KCTD1: variants seen among roughly 807,000 people sequenced by gnomAD.
KCTD1 encodes the protein potassium channel tetramerization domain containing 1, also known as BTB/POZ domain-containing protein KCTD1.
KCTD1 carries 24 observed loss-of-function variants against 66.0 expected under a neutral mutation model. The ratio of observed to expected loss-of-function variants is 0.36; its 90% CI spans 0.26 to 0.51. The LOEUF is 0.51. Ranked by LOEUF, KCTD1 falls within the 20% of genes least tolerant of loss-of-function variation. The pLI is 0.95. For synonymous variants in KCTD1, 511 were observed against 517.2 expected, an observed-to-expected ratio of 0.99 and a Z score of 0.16; for missense variants, 943 against 1,205.2, an observed-to-expected ratio of 0.78 and a Z score of 3.22.
intron 1 of KCTD1, among the ~76,000 whole-genome samples, chr18:26,613,370 C>T (rs114158412): frequency 0.015 from 2,231 of 152,224 alleles, 55 homozygotes; most frequent in African/African-American, 0.051. Context: ...ATTCTTGGGC[C>T]CAAACCACCC....
At chr18:26,549,050 G>A (rs898266849), upstream of KCTD1, 41 of 985,078 alleles carry the variant, frequency 4.2e-5, no homozygotes, top group Non-Finnish European at 4.7e-5. Context: ...CGGCTGCGCC[G>A]GGCGGGCCGC....
chr18:26,605,724 A>ATATCTCTATATC (rs375553943), intron 1 of KCTD1, among the ~76,000 whole-genome samples: 9 of 136,148 alleles, frequency 6.6e-5, no homozygotes, highest in African/African-American at 2.6e-4. Flanking sequence ...ATATATCTCT[A>ATATCTCTATATC]TATCTATCTA....
upstream of KCTD1, among the ~76,000 whole-genome samples, chr18:26,551,089 C>A (rs537226163): frequency 2.0e-5 from 3 of 152,334 alleles, no homozygotes; most frequent in South Asian, 6.2e-4. Context: ...GTCCACCCCC[C>A]TCCCACCAGC....
intron 1 of KCTD1, chr18:26,544,634 T>C (rs924976748): frequency 1.1e-4 from 16 of 151,986 alleles, no homozygotes; most frequent in African/African-American, 3.4e-4. Flanking sequence ...CCCAAAGCAA[T>C]GCCACAGGCC....
At chr18:26,533,445 A>G (rs1240191738) in intron 1 of KCTD1, among the ~76,000 whole-genome samples, 1 of 152,210 alleles carries the variant, frequency 6.6e-6, no homozygotes, top group African/African-American at 2.4e-5. Context: ...GTTCTATGTA[A>G]TACATTGCCA....
intron 1 of KCTD1, among the ~76,000 whole-genome samples, chr18:26,609,180 A>G (rs1459243461): frequency 1.3e-5 from 2 of 152,240 alleles, no homozygotes; most frequent in African/African-American, 4.8e-5. Flanking sequence ...ATATAATGCA[A>G]TGAACAAGTC....
Position 26,547,429 on chromosome 18 carries a change from T to G in KCTD1, c.1108A>C (p.Ser370Arg). 1 of 1,551,336 alleles carries G rather than the reference T, an allele frequency of 6.4e-7. No individual in the cohort carries two copies. The highest frequency in any genetic ancestry group is 8.7e-7 in the Non-Finnish European group (1 of 1,146,780). ...ATGCGGGGCAAGTTCTCCTCGTCGCTGCTCTCGGCGCGCTTCTTGCTCCAC... is the reference window on the plus strand; with the variant it reads ...ATGCGGGGCAAGTTCTCCTCGTCGCGGCTCTCGGCGCGCTTCTTGCTCCAC... The part of the protein sequence containing the change: ...SSWSKKRAES[S>R]DEENLPRMYE... Residue 370 changes from serine to arginine, a missense_variant, in exon 1 of 5, where the codon AGC (serine) becomes CGC (arginine). Ser to Arg is a moderately radical substitution (Grantham distance 110, BLOSUM62 -1). Transcript: ENST00000580059.
chr18:26,532,257 CCTTCT>C (rs1204363397), intron 1 of KCTD1, among the ~76,000 whole-genome samples: 14,797 of 127,950 alleles, frequency 0.12, 989 homozygotes, highest in East Asian at 0.19. Context: ...TCTTTTCTTT[CCTTCT>C]TTTTTTTTTT....
At chr18:26,634,406 C>T (rs1352442822) in intron 1 of KCTD1, among the ~76,000 whole-genome samples, 1 of 151,978 alleles carries the variant, frequency 6.6e-6, no homozygotes, top group Admixed American at 6.6e-5. Flanking sequence ...AATGTGTACA[C>T]ATATATATGC....
At chr18:26,602,129 C>T (rs1397615268) in intron 1 of KCTD1, among the ~76,000 whole-genome samples, 1 of 152,074 alleles carries the variant, frequency 6.6e-6, no homozygotes, top group African/African-American at 2.4e-5. Flanking sequence ...GTGGGGTTTT[C>T]ATAAATGTCT....
intron 1 of KCTD1, among the ~76,000 whole-genome samples, chr18:26,627,099 C>T (rs992338096): frequency 1.3e-4 from 20 of 152,166 alleles, no homozygotes; most frequent in African/African-American, 4.8e-4. Context: ...ATCACTTCTC[C>T]TTTGTACTAA....
At chr18:26,532,269 T>C (rs576806495) in intron 1 of KCTD1, among the ~76,000 whole-genome samples, 7,951 of 52,126 alleles carry the variant, frequency 0.15, 427 homozygotes, top group Middle Eastern at 0.3. Flanking sequence ...TTCTTTTTTT[T>C]TTTTTTTTTT....
intron 1 of KCTD1, among the ~76,000 whole-genome samples, chr18:26,578,405 A>G (rs546128015): frequency 2.6e-5 from 4 of 152,352 alleles, no homozygotes; most frequent in African/African-American, 9.6e-5. Context: ...AATTGCTTGT[A>G]TCATAAACTA....
intron 1 of KCTD1, among the ~76,000 whole-genome samples, chr18:26,559,083 A>T (rs1985781853): frequency 6.6e-6 from 1 of 152,128 alleles, no homozygotes; most frequent in Non-Finnish European, 1.5e-5. Flanking sequence ...AGAGTAGAGG[A>T]TGGTTACCAG....
intron 2 of KCTD1, among the ~76,000 whole-genome samples, chr18:26,500,188 G>A (rs951074232): frequency 2.3e-4 from 35 of 151,856 alleles, no homozygotes; most frequent in African/African-American, 8.0e-4. Context: ...AGGCTGAGAC[G>A]GAAGAATTGC....
At chr18:26,632,868 A>G (rs1017384330), upstream of KCTD1, among the ~76,000 whole-genome samples, 1 of 152,218 alleles carries the variant, frequency 6.6e-6, no homozygotes, top group Non-Finnish European at 1.5e-5. Flanking sequence ...GCATAAAATT[A>G]TCAATTATTC....
At chr18:26,496,739 T>TAC (rs1982491836) in intron 2 of KCTD1, among the ~76,000 whole-genome samples, 1 of 113,450 alleles carries the variant, frequency 8.8e-6, no homozygotes. Flanking sequence ...AAAAAGCATG[T>TAC]GCACACACAC....
chr18:26,481,879 C>T (rs8096521), intron 2 of KCTD1, among the ~76,000 whole-genome samples: 148,031 of 152,234 alleles, frequency 0.97, 71,990 homozygotes, highest in East Asian at 1. Context: ...AAAAACTCTC[C>T]AAGTCTCAAC....
chr18:26,496,784 T>C (rs533750422), intron 2 of KCTD1, among the ~76,000 whole-genome samples: 60 of 151,682 alleles, frequency 4.0e-4, no homozygotes, highest in African/African-American at 1.3e-3. Flanking sequence ...GAACCACTGG[T>C]AACCTTGGTA....
Sources: allele counts gnomAD v4.1 joint callset (sites outside exome capture counted in the v4.1 genomes callset), GRCh38; gene constraint gnomAD v4.1.1; transcripts MANE v1.5; gene names NCBI Gene and HGNC (gene_info 2026-07-23, HGNC 2026-07-21).